The following EDAR variants were observed in gnomAD, a reference collection of about 807,000 sequenced individuals.
EDAR encodes tumor necrosis factor receptor superfamily member EDAR.
EDAR carries 38 observed loss-of-function variants against 51.3 expected under a neutral mutation model. The observed-to-expected ratio is 0.74, with a 90% confidence interval of 0.57 to 0.97. EDAR has a LOEUF of 0.97. EDAR is among the 50% of genes least tolerant of loss of function. The pLI, the probability that EDAR is intolerant of heterozygous loss-of-function variation, is 0.00. For synonymous variants in EDAR, 227 were observed against 242.1 expected, an observed-to-expected ratio of 0.94 and a Z score of 0.58; for missense variants, 528 against 595.0, an observed-to-expected ratio of 0.89 and a Z score of 1.17.
At chr2:108,983,770 G>A (rs2104483507) in intron 1 of EDAR, among the ~76,000 whole-genome samples, 1 of 152,348 alleles carries the variant, frequency 6.6e-6, no homozygotes, top group African/African-American at 2.4e-5. Flanking sequence ...GCCATATGGA[G>A]TCAACAGGAA....
At chr2:108,936,359 G>A (rs912193013) in intron 1 of EDAR, among the ~76,000 whole-genome samples, 36 of 152,226 alleles carry the variant, frequency 2.4e-4, no homozygotes, top group Non-Finnish European at 4.7e-4. Flanking sequence ...ACCGCATCAC[G>A]GACAGGGAGG....
intron 1 of EDAR, among the ~76,000 whole-genome samples, chr2:108,949,604 G>T (rs1172062254): frequency 2.0e-5 from 3 of 152,060 alleles, no homozygotes; most frequent in African/African-American, 7.2e-5. Flanking sequence ...TCCTAAAAAT[G>T]TGATGAGATT....
chr2:108,948,126 C>T (rs918686723), intron 1 of EDAR, among the ~76,000 whole-genome samples: 4 of 152,208 alleles, frequency 2.6e-5, no homozygotes, highest in African/African-American at 7.2e-5. Context: ...CAAAGTTCCA[C>T]GGATCTCTAG....
At chr2:108,905,982 G>A (rs1029553847) in intron 11 of EDAR, among the ~76,000 whole-genome samples, 1 of 152,168 alleles carries the variant, frequency 6.6e-6, no homozygotes, top group African/African-American at 2.4e-5. Context: ...GTGTGGACAC[G>A]GTCTCTGGGG....
intron 1 of EDAR, among the ~76,000 whole-genome samples, chr2:108,955,440 C>T (rs952918534): frequency 2.6e-5 from 4 of 152,122 alleles, no homozygotes; most frequent in African/African-American, 9.7e-5. Context: ...TTTGTAGAGA[C>T]ATATATATCT....
At chr2:108,944,295 G>T (rs1382029537) in intron 1 of EDAR, among the ~76,000 whole-genome samples, 3 of 152,100 alleles carry the variant, frequency 2.0e-5, no homozygotes, top group African/African-American at 7.2e-5. Flanking sequence ...TGTATTTTTA[G>T]TAGAGACGGG....
At chr2:108,988,703 C>T (rs142881703) in intron 1 of EDAR, among the ~76,000 whole-genome samples, 106 of 152,304 alleles carry the variant, frequency 7.0e-4, no homozygotes, top group African/African-American at 2.3e-3. Context: ...GTGAAGCACA[C>T]ACAGAATTTG....
At chr2:108,929,158 A>T in intron 4 of EDAR, 40 bp downstream of exon 4, 1 of 1,612,684 alleles carries the variant, frequency 6.2e-7, no homozygotes, top group Non-Finnish European at 8.5e-7. Flanking sequence ...GGTTTTCTGC[A>T]GAAAGCATGC....
chr2:108,906,613 A>G (rs1696811511), intron 10 of EDAR, among the ~76,000 whole-genome samples: 1 of 152,236 alleles, frequency 6.6e-6, no homozygotes, highest in Non-Finnish European at 1.5e-5. Context: ...TCAGACTCGT[A>G]AGATACTTGG....
chr2:108,913,017 C>T (rs1228614085), intron 5 of EDAR, among the ~76,000 whole-genome samples: 4 of 149,762 alleles, frequency 2.7e-5, no homozygotes, highest in Non-Finnish European at 5.9e-5. Flanking sequence ...GGCGTGATCT[C>T]GGCTCACTGC....
chr2:108,911,845 G>A (rs531162390), intron 6 of EDAR, among the ~76,000 whole-genome samples: 44 of 152,320 alleles, frequency 2.9e-4, no homozygotes, highest in African/African-American at 8.9e-4. Flanking sequence ...GCATGTGGGC[G>A]CTGAGCCTCC....
chr2:108,985,620 A>G (rs45478), intron 1 of EDAR, among the ~76,000 whole-genome samples: 144,643 of 152,314 alleles, frequency 0.95, 69,112 homozygotes, highest in East Asian at 1. Context: ...AGGAAGCAGG[A>G]CCTCCAGCTT....
At position 108,922,587 on chromosome 2, in the gene EDAR, A is replaced by G. The variant is rs1351465089; in HGVS notation, c.442+781T>C. 2.6e-5 allele frequency among the ~76,000 whole-genome samples: 4 copies of G among 152,200 alleles called. No homozygotes were observed. In the East Asian group the frequency reaches 7.7e-4, roughly 29 times the overall value. On this transcript the variant is annotated intron_variant, in intron 5 of 11. Transcript: ENST00000258443. ...GGCTCTCCTTCTTCTCCTGGACAACATTATTATGAGACATGGGGGTAGTGG... is the reference window on the plus strand; with the variant it reads ...GGCTCTCCTTCTTCTCCTGGACAACGTTATTATGAGACATGGGGGTAGTGG...
At chr2:108,935,385 A>C (rs565409764) in intron 1 of EDAR, among the ~76,000 whole-genome samples, 1 of 152,154 alleles carries the variant, frequency 6.6e-6, no homozygotes, top group South Asian at 2.1e-4. Context: ...GAAATGCAGA[A>C]TCTCAGCCCC....
At position 108,929,392 on chromosome 2, in the gene EDAR, A is replaced by G. The variant is rs1331213854; in HGVS notation, c.175-13T>C. The G allele has an allele frequency of 3.7e-6, 6 of 1,613,774 alleles. No individual in the cohort carries two copies. Among genetic ancestry groups the G allele is most frequent in the Non-Finnish European group, 5.1e-6 (6 of 1,179,876 alleles). ...CGTAGCCACAGGACTGTCCAGGGAAAGAGGACAGGGGACACAGGTGAGTGC... is the reference window on the plus strand; with the variant it reads ...CGTAGCCACAGGACTGTCCAGGGAAGGAGGACAGGGGACACAGGTGAGTGC... On this transcript the variant is annotated splice_polypyrimidine_tract_variant and intron_variant, in intron 3 of 11. Coordinates refer to ENST00000258443, the MANE Select transcript of EDAR (RefSeq NM_022336.4).
At position 108,915,736 on chromosome 2, in the gene EDAR, A is replaced by C. The variant is rs74935109; in HGVS notation, c.443-2972T>G. Among the ~76,000 whole-genome samples, 73 of 151,896 alleles carry C rather than the reference A, an allele frequency of 4.8e-4. No individual in the cohort carries two copies. In the East Asian group the frequency reaches 8.9e-3, roughly 19 times the overall value. On this transcript the variant is annotated intron_variant, in intron 5 of 11. Coordinates refer to ENST00000258443, the MANE Select transcript of EDAR (RefSeq NM_022336.4). ...ACATGGTGAAACCCCAACTCTACTA[A>C]AAGTACAAAAATTAGCTGGGCCTGG... is the stretch of plus-strand genomic sequence containing the variant.
intron 1 of EDAR, among the ~76,000 whole-genome samples, chr2:108,968,131 C>T (rs1163407619): frequency 1.2e-4 from 18 of 152,110 alleles, no homozygotes; most frequent in Non-Finnish European, 5.9e-5. Context: ...ACAGCCACCA[C>T]CTGGGGAAGG....
At chr2:108,967,548 A>G (rs1315470564) in intron 1 of EDAR, among the ~76,000 whole-genome samples, 1 of 152,108 alleles carries the variant, frequency 6.6e-6, no homozygotes, top group African/African-American at 2.4e-5. Context: ...GTGCACAACA[A>G]GTGACTTCCT....
chr2:108,987,277 A>G (rs260680), intron 1 of EDAR, among the ~76,000 whole-genome samples: 144,657 of 152,356 alleles, frequency 0.95, 69,111 homozygotes, highest in East Asian at 1. Flanking sequence ...CCCAGCTTCC[A>G]TCTGTGGGCC....
Sources: gnomAD v4.1 joint callset for allele counts (sites outside exome capture counted in the v4.1 genomes callset) on GRCh38, gnomAD v4.1.1 for gene constraint, MANE v1.5 for transcripts, NCBI Gene and HGNC (gene_info 2026-07-23, HGNC 2026-07-21) for gene names.